LARGE1: variants seen among roughly 807,000 people sequenced by gnomAD.
The protein encoded by LARGE1 is LARGE xylosyl- and glucuronyltransferase 1, also known as xylosyl- and glucuronyltransferase LARGE1.
A neutral mutation model predicts 87.6 loss-of-function variants in LARGE1; 43 were observed. The ratio of observed to expected loss-of-function variants is 0.49; its 90% CI spans 0.38 to 0.63. The LOEUF (loss-of-function observed/expected upper bound fraction) is 0.63. LARGE1 is among the 30% of genes least tolerant of loss of function. LARGE1 has a pLI of 0.00. For missense variants in LARGE1, 802 were observed against 1,000.2 expected (o/e 0.80, Z 2.67); for synonymous variants, 434 against 394.6 (o/e 1.10, Z -1.18).
At position 33,337,891 on chromosome 22, in the gene LARGE1, T is replaced by A. The variant is rs1938666499; in HGVS notation, c.1132-90A>T. The A allele has an allele frequency of 9.4e-6, 13 of 1,383,422 alleles. No individual in the cohort carries two copies. In the South Asian group the frequency reaches 1.6e-4, roughly 17 times the overall value. 85.7% of individuals were successfully genotyped at this position (1,383,422 alleles called of 1,614,324 possible). A position where few individuals can be genotyped will look rare whatever the true frequency, so the allele number is the denominator to read the frequency against. On this transcript the variant is annotated intron_variant, in intron 9 of 14. Coordinates refer to ENST00000397394, the MANE Select transcript of LARGE1 (RefSeq NM_133642.5). ...AGGAAGCCATGGCTCAGCACTGGGC[T>A]AAGCATTATTTGAGGGTCTGCTCAT...
At chr22:33,728,215 C>G (rs574002865) in intron 2 of LARGE1, among the ~76,000 whole-genome samples, 2 of 152,174 alleles carry the variant, frequency 1.3e-5, no homozygotes, top group African/African-American at 4.8e-5. Context: ...ATTCCTCCAG[C>G]CTACAGACTC....
chr22:33,212,479 C>T lies in LARGE1; in HGVS notation c.1731-45647G>A, dbSNP rs563904077. Among the ~76,000 whole-genome samples, 10 of 152,262 alleles carry T rather than the reference C, an allele frequency of 6.6e-5. No individual in the cohort carries two copies. In the East Asian group the frequency reaches 1.9e-3, roughly 29 times the overall value. ...CTTTCAAAATATTACTGCTCATTCA[C>T]AATGCTTCTGGTCATGCAACAGTTC... On this transcript the variant is annotated intron_variant, in intron 11 of 11. Transcript: ENST00000608642.
downstream of LARGE1, among the ~76,000 whole-genome samples, chr22:33,268,474 G>A (rs1408397917): frequency 1.3e-5 from 2 of 149,528 alleles, no homozygotes; most frequent in African/African-American, 5.0e-5. Flanking sequence ...TGTTGCCTAG[G>A]CTGGAGTGCA....
chr22:33,626,359 G>A (rs1334938237), intron 3 of LARGE1, 33 bp from the exon 4 acceptor site: 1 of 1,582,480 alleles, frequency 6.3e-7, no homozygotes, highest in Non-Finnish European at 8.7e-7. Flanking sequence ...TGAGCAGTCA[G>A]ACAGACGGAA....
chr22:33,763,152 G>A (rs758950373), intron 1 of LARGE1, among the ~76,000 whole-genome samples: 1 of 152,126 alleles, frequency 6.6e-6, no homozygotes. Flanking sequence ...TTAGCATATT[G>A]CCTGTCAGCT....
At chr22:33,309,780 G>C (rs965325719) in intron 11 of LARGE1, among the ~76,000 whole-genome samples, 12 of 152,158 alleles carry the variant, frequency 7.9e-5, no homozygotes, top group Non-Finnish European at 1.5e-4. Flanking sequence ...TGTTCGAGCA[G>C]GAAGAAACAG....
In LARGE1 at chr22:33,434,333, G is replaced by A. The variant is rs148339826; in HGVS notation, c.788-2068C>T. The stretch of plus-strand genomic sequence containing the variant: ...TGTTTTGTTTTTGAGACGTAGTCTC[G>A]CTCTGTTGCCAGGCTGGAGTGCAGT... On this transcript the variant is annotated intron_variant, in intron 6 of 14. Transcript: ENST00000397394. Among the ~76,000 whole-genome samples, 561 of 152,240 alleles carry A rather than the reference G, an allele frequency of 3.7e-3. 4 individuals carry two copies. The highest frequency in any genetic ancestry group is 0.013 in the African/African-American group (535 of 41,538).
intron 1 of LARGE1, among the ~76,000 whole-genome samples, chr22:33,783,012 A>G (rs1319084595): frequency 6.6e-6 from 1 of 152,060 alleles, no homozygotes; most frequent in African/African-American, 2.4e-5. Context: ...GCCTGATTTA[A>G]TTGGCATTGT....
At chr22:33,734,944 A>T (rs2083602471) in intron 2 of LARGE1, among the ~76,000 whole-genome samples, 2 of 152,182 alleles carry the variant, frequency 1.3e-5, no homozygotes, top group African/African-American at 4.8e-5. Context: ...AAGTCCTCCA[A>T]AACATGTTCC....
At chr22:33,850,345 CAG>C (rs1273276253) in intron 1 of LARGE1, among the ~76,000 whole-genome samples, 1 of 152,138 alleles carries the variant, frequency 6.6e-6, no homozygotes, top group Non-Finnish European at 1.5e-5. Flanking sequence ...AACCAGGGAG[CAG>C]AGTCTTAAGT....
intron 5 of LARGE1, among the ~76,000 whole-genome samples, chr22:33,602,640 G>C (rs574038998): frequency 6.6e-6 from 1 of 152,004 alleles, no homozygotes; most frequent in African/African-American, 2.4e-5. Context: ...GAGCAGCTTA[G>C]ACTGACTACA....
At chr22:33,525,703 C>T (rs1387192273) in intron 6 of LARGE1, among the ~76,000 whole-genome samples, 4 of 152,006 alleles carry the variant, frequency 2.6e-5, no homozygotes, top group South Asian at 2.1e-4. Context: ...AGAGAGGCTA[C>T]GGGGACGGGA....
intron 2 of LARGE1, among the ~76,000 whole-genome samples, chr22:33,712,341 A>G (rs2082756243): frequency 6.6e-6 from 1 of 152,184 alleles, no homozygotes; most frequent in African/African-American, 2.4e-5. Flanking sequence ...ATGGCCCTGC[A>G]CTGAGCATCT....
chr22:33,595,889 A>G (rs980553598), intron 5 of LARGE1, among the ~76,000 whole-genome samples: 4 of 152,242 alleles, frequency 2.6e-5, no homozygotes, highest in Admixed American at 6.5e-5. Flanking sequence ...CCTGATCTTC[A>G]TTAATGCTCA....
intron 9 of LARGE1, among the ~76,000 whole-genome samples, chr22:33,350,518 T>C (rs1940264439): frequency 6.6e-6 from 1 of 152,068 alleles, no homozygotes; most frequent in South Asian, 2.1e-4. Flanking sequence ...CCTCTAGAGG[T>C]TGGCATGGGA....
chr22:33,185,186 G>C (rs7289691), intron 11 of LARGE1, among the ~76,000 whole-genome samples: 22,034 of 152,032 alleles, frequency 0.14, 1,653 homozygotes, highest in East Asian at 0.21. Flanking sequence ...GGTAAATAAA[G>C]TGTAATACAT....
At chr22:33,743,287 T>C (rs1271183831) in intron 2 of LARGE1, 2 of 152,120 alleles carry the variant, frequency 1.3e-5, no homozygotes, top group Non-Finnish European at 2.9e-5. Flanking sequence ...TATACCCAGG[T>C]AGGAGCGTGT....
rs968122576 is a variant in LARGE1 at position 33,649,949 on chromosome 22, G to A, written c.408+418C>T. ...GAATTGGAGAGGCTGTTTATACAGT[G>A]AAGTGATAATGAGGTCTAAGAAAAC... On this transcript the variant is annotated intron_variant, in intron 3 of 14. Coordinates refer to ENST00000397394, the MANE Select transcript of LARGE1 (RefSeq NM_133642.5). 3.3e-5 allele frequency among the ~76,000 whole-genome samples: 5 copies of A among 152,210 alleles called. No homozygotes were observed. The South Asian group carries it at 6.2e-4, about 19-fold the overall frequency.
chr22:33,571,607 G>C (rs957804675), intron 5 of LARGE1, among the ~76,000 whole-genome samples: 1 of 152,200 alleles, frequency 6.6e-6, no homozygotes, highest in African/African-American at 2.4e-5. Flanking sequence ...AGGAGTCATT[G>C]AGATACCCCA....
Sources: gnomAD v4.1 joint callset for allele counts (sites outside exome capture counted in the v4.1 genomes callset) on GRCh38, gnomAD v4.1.1 for gene constraint, MANE v1.5 for transcripts, NCBI Gene and HGNC (gene_info 2026-07-23, HGNC 2026-07-21) for gene names.